The following GTF3C3 variants were observed in gnomAD, a reference collection of about 807,000 sequenced individuals.
The protein encoded by GTF3C3 is general transcription factor 3C polypeptide 3.
GTF3C3 carries 75 observed loss-of-function variants against 105.2 expected under a neutral mutation model. The ratio of observed to expected loss-of-function variants is 0.71; its 90% CI spans 0.59 to 0.86. The LOEUF is 0.86. Among genes scored for constraint, GTF3C3 ranks in the 40% least tolerant of loss-of-function variants. GTF3C3 has a pLI of 0.00. For missense variants in GTF3C3, 856 were observed against 1,076.5 expected (o/e 0.80, Z 2.87); for synonymous variants, 335 against 370.4 (o/e 0.90, Z 1.10).
intron 7 of GTF3C3, among the ~76,000 whole-genome samples, 179 bp downstream of exon 7, chr2:196,785,262 A>C (rs1699436794): frequency 1.3e-5 from 2 of 152,170 alleles, no homozygotes; most frequent in South Asian, 4.1e-4. Flanking sequence ...ATTTTTTATT[A>C]TGTAACTACA....
In GTF3C3 at chr2:196,786,944, T is replaced by G. The variant is rs1559303724; in HGVS notation, c.894-1356A>C. Among the ~76,000 whole-genome samples the G allele has an allele frequency of 6.6e-6, 1 of 152,160 alleles. No individual in the cohort carries two copies. Among genetic ancestry groups the G allele is most frequent in the Non-Finnish European group, 1.5e-5 (1 of 68,018 alleles). On this transcript the variant is annotated intron_variant, in intron 6 of 17. Transcript: ENST00000263956. The surrounding 1 kb of genome is among the most constrained non-coding windows in gnomAD (Gnocchi z 4.2). ...GATCATCCCTCCTACTTGAAGTTCTTTCTTCAATTAAATTCTAGAACATCA... is the reference window on the plus strand; with the variant it reads ...GATCATCCCTCCTACTTGAAGTTCTGTCTTCAATTAAATTCTAGAACATCA...
At chr2:196,768,614 C>T (rs1427683587) in intron 16 of GTF3C3, among the ~76,000 whole-genome samples, 1 of 152,026 alleles carries the variant, frequency 6.6e-6, no homozygotes, top group Non-Finnish European at 1.5e-5. Flanking sequence ...ATGCTATTTA[C>T]AATAAAACCT....
Position 196,780,595 on chromosome 2 carries a change from G to C in GTF3C3, c.1182C>G (p.Val394=). The change falls in exon 9 of 18, where the codon GTC becomes GTG. Residue 394 remains valine (V), a synonymous_variant. Transcript: ENST00000263956. Reference sequence around the variant, plus strand: ...CAAGAATGTTGAGATGTACAAGGCAGACCATCAACTTCACTGTGATATCTA... The same window carrying C: ...CAAGAATGTTGAGATGTACAAGGCACACCATCAACTTCACTGTGATATCTA... The part of the protein sequence containing the change: ...VPIDITVKLM[V]CLVHLNILEP... 6.2e-7 allele frequency: 1 copy of C among 1,613,574 alleles called. No homozygotes were observed. The highest frequency in any genetic ancestry group is 1.7e-5 in the Admixed American group (1 of 59,990).
At chr2:196,793,741 T>A (rs1402020899) in intron 2 of GTF3C3, among the ~76,000 whole-genome samples, 1 of 152,230 alleles carries the variant, frequency 6.6e-6, no homozygotes, top group Non-Finnish European at 1.5e-5. Flanking sequence ...GCCTATTAAA[T>A]GCTATTATTA....
At chr2:196,780,902 A>C (rs1699339047) in intron 8 of GTF3C3, 1 of 335,578 alleles carries the variant, frequency 3.0e-6, no homozygotes, top group Non-Finnish European at 5.3e-6. Context: ...ACCTTCTACT[A>C]AACTACGGAG....
At chr2:196,770,733 T>G (rs1000657043) in intron 15 of GTF3C3, among the ~76,000 whole-genome samples, 9 of 152,242 alleles carry the variant, frequency 5.9e-5, no homozygotes, top group African/African-American at 2.2e-4. Flanking sequence ...TTCTGGCTTC[T>G]ATTTTGGAAG....
At chr2:196,771,048 T>G (rs1699165586) in intron 15 of GTF3C3, among the ~76,000 whole-genome samples, 2 of 152,176 alleles carry the variant, frequency 1.3e-5, no homozygotes, top group African/African-American at 2.4e-5. Flanking sequence ...TAGTAAGACA[T>G]GCATGCCTAA....
At chr2:196,764,974 A>AAAT (rs1699035604) in intron 17 of GTF3C3, among the ~76,000 whole-genome samples, 1 of 152,196 alleles carries the variant, frequency 6.6e-6, no homozygotes, top group Non-Finnish European at 1.5e-5. Context: ...ATAAAAGAAA[A>AAAT]AATACAATGG....
At chr2:196,798,805 T>G (rs1699694985) in intron 1 of GTF3C3, among the ~76,000 whole-genome samples, 1 of 136,770 alleles carries the variant, frequency 7.3e-6, no homozygotes, top group African/African-American at 2.9e-5. Context: ...GAGGTTGCAG[T>G]GAGCCGAGAT....
intron 2 of GTF3C3, among the ~76,000 whole-genome samples, chr2:196,794,495 C>A (rs1164490510): frequency 6.6e-6 from 1 of 152,016 alleles, no homozygotes; most frequent in African/African-American, 2.4e-5. Flanking sequence ...AGTGCAATGG[C>A]GCAATCTCAG....
At chr2:196,787,344 C>A (rs1289715843) in intron 6 of GTF3C3, among the ~76,000 whole-genome samples, 1 of 152,150 alleles carries the variant, frequency 6.6e-6, no homozygotes, top group Non-Finnish European at 1.5e-5. Context: ...CAGACCATGT[C>A]ACTTTTCTAC....
intron 15 of GTF3C3, among the ~76,000 whole-genome samples, chr2:196,770,820 G>C (rs1699159105): frequency 6.6e-6 from 1 of 152,038 alleles, no homozygotes; most frequent in Admixed American, 6.5e-5. Flanking sequence ...TTTTGTAAAA[G>C]TTTCTAATAT....
intron 8 of GTF3C3, among the ~76,000 whole-genome samples, chr2:196,782,265 C>T (rs1328138533): frequency 6.6e-6 from 1 of 152,202 alleles, no homozygotes; most frequent in African/African-American, 2.4e-5. Context: ...GACACCAAAT[C>T]TGCTGGTGCC....
At chr2:196,773,799 T>C in intron 13 of GTF3C3, 1 of 266,026 alleles carries the variant, frequency 3.8e-6, no homozygotes, top group South Asian at 3.9e-5. Context: ...CCTAGATCCC[T>C]CGCATGGGCA....
In GTF3C3 at chr2:196,772,915, C is replaced by T; in HGVS notation, c.2069+1G>A. On this transcript the variant is annotated splice_donor_variant, in intron 14 of 17. Transcript: ENST00000263956. LOFTEE classifies it high-confidence loss of function. Reference sequence around the variant, plus strand: ...ATTAAAATAAATAACTGGGAAATCACCTGATATAGTTGTATGCCTTTCTGA... The same window carrying T: ...ATTAAAATAAATAACTGGGAAATCATCTGATATAGTTGTATGCCTTTCTGA... 1.5e-6 allele frequency: 2 copies of T among 1,346,522 alleles called. No homozygotes were observed. The highest frequency in any genetic ancestry group is 2.1e-6 in the Non-Finnish European group (2 of 974,048). The allele number at this position is 1,346,522 out of a possible 1,614,324, so 83.4% of individuals were successfully genotyped here.
chr2:196,794,714 C>T (rs536627573), intron 2 of GTF3C3, among the ~76,000 whole-genome samples: 12 of 151,316 alleles, frequency 7.9e-5, no homozygotes, highest in African/African-American at 2.2e-4. Flanking sequence ...GGATTACAGG[C>T]GTGAGCCACT....
Position 196,776,187 on chromosome 2 carries a change from T to C in GTF3C3, c.1594-76A>G. On this transcript the variant is annotated intron_variant, in intron 11 of 17. Transcript: ENST00000263956. This position sits in a 1 kb window ranked among gnomAD's most constrained non-coding sequence, Gnocchi z 4.5. ...AATTGTTTTATTTGCATAGAAACAT[T>C]TTTAAAAAAACAAACCATATTGCTT... The C allele has an allele frequency of 1.2e-6, 1 of 864,718 alleles. No individual in the cohort carries two copies. The highest frequency in any genetic ancestry group is 1.8e-5 in the South Asian group (1 of 55,638). The allele number at this position is 864,718 out of a possible 1,614,324, so 53.6% of individuals were successfully genotyped here.
rs1350411866 is a variant in GTF3C3, at chr2:196,797,827, TAG to T, written c.182_183del (p.Ser61TyrfsTer10). ...SEVPSSSGINSTKSQDKDVNE... is the reference protein window; with the variant it reads ...SEVPSSSGINXTKSQDKDVNE... ...TTGACATCTTTGTCTTGGGATTTGG[TAG>T]AGTTAATTCCTGATGATGATGGAAC... On this transcript the variant is annotated frameshift_variant, in exon 2 of 18. Coordinates refer to ENST00000263956, the MANE Select transcript of GTF3C3 (RefSeq NM_012086.5). LOFTEE classifies it high-confidence loss of function. 5 of 1,606,184 alleles carry T rather than the reference TAG, an allele frequency of 3.1e-6. No homozygotes were observed. Among genetic ancestry groups the T allele is most frequent in the Non-Finnish European group, 2.6e-6 (3 of 1,172,808 alleles).
Position 196,790,081 on chromosome 2 carries a change from T to A in GTF3C3, c.536-11A>T. The A allele has an allele frequency of 1.3e-6, 2 of 1,566,650 alleles. No homozygotes were observed. Among genetic ancestry groups the A allele is most frequent in the African/African-American group, 1.4e-5 (1 of 72,874 alleles). The stretch of plus-strand genomic sequence containing the variant: ...CATAAGCCAGAGGAGCTATAACAAA[T>A]TAAAAAAATAAATTCCATTGGCTGA... On this transcript the variant is annotated splice_polypyrimidine_tract_variant and intron_variant, in intron 4 of 17. Coordinates refer to ENST00000263956, the MANE Select transcript of GTF3C3 (RefSeq NM_012086.5).
Sources: gnomAD v4.1 joint callset for allele counts (sites outside exome capture counted in the v4.1 genomes callset) on GRCh38, gnomAD v4.1.1 for gene constraint, Gnocchi (gnomAD v3.1) non-coding constraint, MANE v1.5 for transcripts, NCBI Gene and HGNC (gene_info 2026-07-23, HGNC 2026-07-21) for gene names.